Variants in ELOVL7 observed in about 807,000 individuals in gnomAD.
The protein encoded by ELOVL7 is ELOVL fatty acid elongase 7.
A neutral mutation model predicts 35.7 loss-of-function variants in ELOVL7; 27 were observed. That is an observed-to-expected ratio of 0.76 (90% CI 0.56 to 1.04). The LOEUF (loss-of-function observed/expected upper bound fraction) is 1.04. Ranked by LOEUF, ELOVL7 falls within the 50% of genes least tolerant of loss-of-function variation. The pLI is 0.00. For missense variants in ELOVL7, 327 were observed against 340.8 expected (o/e 0.96, Z 0.32); for synonymous variants, 113 against 114.6 (o/e 0.99, Z 0.09).
chr5:60,780,244 C>G (rs1291649414), intron 3 of ELOVL7, among the ~76,000 whole-genome samples: 1 of 151,946 alleles, frequency 6.6e-6, no homozygotes, highest in Non-Finnish European at 1.5e-5. Context: ...CTAAGTCTCC[C>G]CAGTAGCTGG....
chr5:60,839,294 G>C (rs4700396), intron 1 of ELOVL7, among the ~76,000 whole-genome samples: 145,380 of 152,184 alleles, frequency 0.96, 69,584 homozygotes, highest in East Asian at 1. Flanking sequence ...TTGCAGTGAG[G>C]CAAGATCGCA....
At chr5:60,770,139 C>T (rs1320394325) in intron 4 of ELOVL7, among the ~76,000 whole-genome samples, 1 of 151,674 alleles carries the variant, frequency 6.6e-6, no homozygotes, top group African/African-American at 2.4e-5. Context: ...ACATAAGTAA[C>T]TCAAGTATTA....
Position 60,787,344 on chromosome 5 carries a change from G to T in ELOVL7, c.54C>A (p.Ile18=), listed in dbSNP as rs1743661160. The change falls in exon 3 of 9, where the codon ATC becomes ATA. Residue 18 remains isoleucine, a synonymous_variant. Transcript: ENST00000508821. Reference sequence around the variant, plus strand: ...AATGTGGTTACTCACCAGCATCTTTGATCCAATTATCATAAAGATGCACAG... The same window carrying T: ...AATGTGGTTACTCACCAGCATCTTTTATCCAATTATCATAAAGATGCACAG... ...SRTVHLYDNW[I]KDADPRVEDW... is the part of the protein sequence containing the mutation. 2 of 1,599,470 alleles carry T rather than the reference G, an allele frequency of 1.3e-6. No homozygotes were observed. The highest frequency in any genetic ancestry group is 2.3e-5 in the South Asian group (2 of 87,412).
At position 60,822,488 on chromosome 5, in the gene ELOVL7, A is replaced by G. The variant is rs140286740; in HGVS notation, c.-86+21672T>C. On this transcript the variant is annotated intron_variant, in intron 1 of 8. Coordinates refer to ENST00000508821, the MANE Select transcript of ELOVL7 (RefSeq NM_024930.3). ...AGTGGGGTTTAATTCCATCATCCCA[A>G]TGAGAAATCATTATAGGCCTGAACA... Among the ~76,000 whole-genome samples, 592 of 152,310 alleles carry G rather than the reference A, an allele frequency of 3.9e-3. 5 individuals are homozygous for G. Among genetic ancestry groups the G allele is most frequent in the African/African-American group, 4.6e-3 (191 of 41,566 alleles).
At chr5:60,760,266 G>A (rs1041850715) in intron 7 of ELOVL7, among the ~76,000 whole-genome samples, 6 of 152,208 alleles carry the variant, frequency 3.9e-5, no homozygotes, top group Non-Finnish European at 7.3e-5. Flanking sequence ...CAGTGTGAAA[G>A]TGTTCCTATT....
At chr5:60,776,152 T>C (rs897171330) in intron 3 of ELOVL7, among the ~76,000 whole-genome samples, 6 of 152,062 alleles carry the variant, frequency 3.9e-5, no homozygotes, top group Non-Finnish European at 7.4e-5. Context: ...CATTAAAAAG[T>C]GGGCAAAGAG....
At chr5:60,760,515 G>T (rs1201432573) in intron 7 of ELOVL7, among the ~76,000 whole-genome samples, 1 of 152,128 alleles carries the variant, frequency 6.6e-6, no homozygotes, top group Non-Finnish European at 1.5e-5. Context: ...ATTTGTTTGA[G>T]TTCATTGTAG....
At chr5:60,766,696 T>C (rs528646506) in intron 5 of ELOVL7, 66 bp from the exon 6 acceptor site, 15 of 1,466,946 alleles carry the variant, frequency 1.0e-5, no homozygotes, top group Non-Finnish European at 1.3e-5. Flanking sequence ...TTTTTAAATT[T>C]TGGTAAAATA....
chr5:60,798,346 G>T (rs944997588), intron 2 of ELOVL7, among the ~76,000 whole-genome samples: 1 of 152,142 alleles, frequency 6.6e-6, no homozygotes, highest in Non-Finnish European at 1.5e-5. Flanking sequence ...GGTCAAAGAC[G>T]TGATGGGACC....
intron 8 of ELOVL7, among the ~76,000 whole-genome samples, chr5:60,755,477 C>T (rs1367838777): frequency 3.9e-5 from 6 of 151,936 alleles, no homozygotes; most frequent in Non-Finnish European, 8.8e-5. Context: ...GTCAAGATAG[C>T]GAAACCCCAT....
intron 1 of ELOVL7, among the ~76,000 whole-genome samples, chr5:60,804,546 A>G (rs1281143017): frequency 6.6e-6 from 1 of 152,216 alleles, no homozygotes; most frequent in Admixed American, 6.5e-5. Flanking sequence ...TAAAAACTGT[A>G]CAGATGATAG....
chr5:60,813,895 A>C (rs780512037), intron 1 of ELOVL7, among the ~76,000 whole-genome samples: 59 of 152,210 alleles, frequency 3.9e-4, no homozygotes, highest in Non-Finnish European at 7.1e-4. Context: ...CCAGACAAGC[A>C]AAACAAAATA....
chr5:60,769,308 G>A (rs547074781), intron 4 of ELOVL7, among the ~76,000 whole-genome samples: 2 of 152,266 alleles, frequency 1.3e-5, no homozygotes, highest in South Asian at 4.1e-4. Context: ...CTAATGTAAC[G>A]CTCTGTGGCC....
At position 60,772,153 on chromosome 5, in the gene ELOVL7, C is replaced by G. The variant is rs536126614; in HGVS notation, c.65-60G>C. The stretch of plus-strand genomic sequence containing the variant: ...TTAGCCAAGGGGTAACTAACAGCAA[C>G]CAACATTTCTTTAACTGAGCACCCA... On this transcript the variant is annotated intron_variant, in intron 3 of 8. Transcript: ENST00000508821. 4 of 1,142,440 alleles carry G rather than the reference C, an allele frequency of 3.5e-6. No homozygotes were observed. In the African/African-American group the frequency reaches 6.3e-5, roughly 18 times the overall value. The allele number at this position is 1,142,440 out of a possible 1,614,324, so 70.8% of individuals were successfully genotyped here.
Position 60,810,257 on chromosome 5 carries a change from A to G in ELOVL7, c.-85-11027T>C, listed in dbSNP as rs541184796. ...GCAGGTTGGCCCAGTTTAAGGCAGT[A>G]CCCCTAGGATCCTCCTCCTGCTATA... On this transcript the variant is annotated intron_variant, in intron 1 of 8. Transcript: ENST00000508821. Among the ~76,000 whole-genome samples, 29 of 152,268 alleles carry G rather than the reference A, an allele frequency of 1.9e-4. No individual in the cohort carries two copies. In the South Asian group the frequency reaches 5.6e-3, roughly 29 times the overall value.
intron 1 of ELOVL7, among the ~76,000 whole-genome samples, chr5:60,801,326 A>G (rs1369240838): frequency 1.3e-5 from 2 of 152,156 alleles, no homozygotes; most frequent in African/African-American, 4.8e-5. Flanking sequence ...CAATTATGCA[A>G]AAAAGAAATA....
intron 3 of ELOVL7, among the ~76,000 whole-genome samples, chr5:60,779,026 G>A (rs575511680): frequency 6.2e-4 from 95 of 152,330 alleles, no homozygotes; most frequent in African/African-American, 2.2e-3. Flanking sequence ...AAATCTCAAT[G>A]CTCCACAATG....
At chr5:60,777,733 G>GA (rs1742992810) in intron 3 of ELOVL7, among the ~76,000 whole-genome samples, 1 of 151,938 alleles carries the variant, frequency 6.6e-6, no homozygotes, top group Non-Finnish European at 1.5e-5. Context: ...ATTACTGAAG[G>GA]AAAAAACATA....
intron 1 of ELOVL7, among the ~76,000 whole-genome samples, chr5:60,835,628 G>A (rs561378673): frequency 2.7e-4 from 41 of 151,878 alleles, no homozygotes; most frequent in South Asian, 1.9e-3. Flanking sequence ...GCCCAGGCTC[G>A]TCTTCAACTC....
Sources: gnomAD v4.1 joint callset for allele counts (sites outside exome capture counted in the v4.1 genomes callset) on GRCh38, gnomAD v4.1.1 for gene constraint, MANE v1.5 for transcripts, NCBI Gene and HGNC (gene_info 2026-07-23, HGNC 2026-07-21) for gene names.